LYPD6: variants seen among roughly 807,000 people sequenced by gnomAD.
The protein encoded by LYPD6 is ly6/PLAUR domain-containing protein 6.
Under a neutral mutation model 22.7 loss-of-function variants are expected in LYPD6, and 15 were observed. That is an observed-to-expected ratio of 0.66 (90% CI 0.44 to 1.02). LYPD6 has a LOEUF of 1.02. LYPD6 is among the 50% of genes least tolerant of loss of function. LYPD6 has a pLI of 0.00. For synonymous variants in LYPD6, 72 were observed against 77.5 expected (o/e 0.93, Z 0.37); for missense variants, 189 against 208.4 (o/e 0.91, Z 0.57).
At chr2:149,457,504 A>C (rs1238541014) in intron 3 of LYPD6, among the ~76,000 whole-genome samples, 2 of 152,228 alleles carry the variant, frequency 1.3e-5, no homozygotes, top group Non-Finnish European at 1.5e-5. Context: ...ATAATACAAC[A>C]GTAGATCTCA....
intron 1 of LYPD6, among the ~76,000 whole-genome samples, chr2:149,365,161 C>CT (rs1370448065): frequency 6.6e-6 from 1 of 152,212 alleles, no homozygotes; most frequent in Non-Finnish European, 1.5e-5. Context: ...TTAATATAAT[C>CT]TTTTGCCCAT....
chr2:149,330,882 G>A (rs1215842349), intron 1 of LYPD6, among the ~76,000 whole-genome samples, 160 bp downstream of exon 1: 1 of 152,144 alleles, frequency 6.6e-6, no homozygotes, highest in African/African-American at 2.4e-5. Context: ...CTGGGGTCCC[G>A]GCCTCCGGCG....
chr2:149,452,752 G>A (rs886695266), intron 3 of LYPD6, among the ~76,000 whole-genome samples: 3 of 152,200 alleles, frequency 2.0e-5, no homozygotes, highest in Admixed American at 2.0e-4. Context: ...TGTGCATAGA[G>A]ACATAGTGTA....
In LYPD6 at chr2:149,348,994, G is replaced by T. The variant is rs564696620; in HGVS notation, c.-72+18272G>T. On this transcript the variant is annotated intron_variant, in intron 1 of 4. Transcript: ENST00000334166. ...AAGCAGTGTCAAGCATGCTTCTAAG[G>T]TTTGGGACCTGATAACTGGAAGGGT... is the stretch of plus-strand genomic sequence containing the variant. Among the ~76,000 whole-genome samples the T allele has an allele frequency of 1.9e-4, 29 of 152,242 alleles. 1 individual carries two copies. In the South Asian group the frequency reaches 5.8e-3, roughly 30 times the overall value.
chr2:149,408,880 A>G (rs929209270), intron 1 of LYPD6, among the ~76,000 whole-genome samples: 1 of 152,194 alleles, frequency 6.6e-6, no homozygotes, highest in Admixed American at 6.5e-5. Context: ...GATTAGCTTA[A>G]TAGTCGACTT....
rs1294350332 is a variant in LYPD6, at chr2:149,384,867, T to C, written c.-71-52771T>C. 2.7e-5 allele frequency among the ~76,000 whole-genome samples: 4 copies of C among 150,162 alleles called. No homozygotes were observed. In the East Asian group the frequency reaches 7.9e-4, roughly 29 times the overall value. Reference sequence around the variant, plus strand: ...TAGCATTAGGTATATCTCCTAAAACTATCCCTTCCCCCTCCCCCCACCCCA... The same window carrying C: ...TAGCATTAGGTATATCTCCTAAAACCATCCCTTCCCCCTCCCCCCACCCCA... On this transcript the variant is annotated intron_variant, in intron 1 of 4. Coordinates refer to ENST00000334166, the MANE Select transcript of LYPD6 (RefSeq NM_194317.5).
chr2:149,348,331 A>G (rs1681297833), intron 1 of LYPD6, among the ~76,000 whole-genome samples: 1 of 151,826 alleles, frequency 6.6e-6, no homozygotes, highest in African/African-American at 2.4e-5. Flanking sequence ...AATGTGCAGT[A>G]TGTTAGGCGG....
chr2:149,350,535 A>C (rs1344030155), intron 1 of LYPD6, among the ~76,000 whole-genome samples: 1 of 152,106 alleles, frequency 6.6e-6, no homozygotes, highest in Non-Finnish European at 1.5e-5. Flanking sequence ...TTAGTGGCAA[A>C]GGGGTTTATA....
intron 1 of LYPD6, among the ~76,000 whole-genome samples, chr2:149,364,772 C>T (rs1401847182): frequency 3.3e-5 from 5 of 151,854 alleles, no homozygotes; most frequent in African/African-American, 1.2e-4. Flanking sequence ...GATTGTATTC[C>T]CTAAAGGCTG....
chr2:149,480,862 A>T, the LYPD6 span, among the ~76,000 whole-genome samples: 5 of 152,142 alleles, frequency 3.3e-5, no homozygotes, highest in African/African-American at 1.2e-4. Flanking sequence ...GCAAAGTAAG[A>T]ATATAAAGGC....
At chr2:149,354,604 TG>T (rs1398536196) in intron 1 of LYPD6, among the ~76,000 whole-genome samples, 3 of 152,204 alleles carry the variant, frequency 2.0e-5, no homozygotes, top group Non-Finnish European at 4.4e-5. Flanking sequence ...CAGCTTTCTA[TG>T]GCCCCATTAT....
intron 2 of LYPD6, among the ~76,000 whole-genome samples, chr2:149,441,299 T>C (rs1353031973): frequency 6.6e-6 from 1 of 152,210 alleles, no homozygotes; most frequent in Non-Finnish European, 1.5e-5. Flanking sequence ...CACATTTCAT[T>C]AATGTTACAA....
In LYPD6 at chr2:149,473,637, C is replaced by T. The variant is rs1471157718; in HGVS notation, c.*2787C>T. On this transcript the variant is annotated 3_prime_UTR_variant, in exon 5 of 5. Transcript: ENST00000334166. ...GGTTTTGAGTGTATCTTACCAGGCT[C>T]CTCCCTGCAAATGCACATGTCAATC... 1 of 152,188 alleles carries T rather than the reference C, an allele frequency of 6.6e-6. No homozygotes were observed. The highest frequency in any genetic ancestry group is 2.1e-4 in the South Asian group (1 of 4,824). 9.4% of individuals were successfully genotyped at this position (152,188 alleles called of 1,614,324 possible).
chr2:149,456,309 G>A (rs1680956928), intron 3 of LYPD6, among the ~76,000 whole-genome samples: 1 of 152,054 alleles, frequency 6.6e-6, no homozygotes, highest in African/African-American at 2.4e-5. Flanking sequence ...ATACCAAATA[G>A]TAAATAGCAT....
chr2:149,480,360 GCA>G, the LYPD6 span, among the ~76,000 whole-genome samples: 30 of 152,116 alleles, frequency 2.0e-4, no homozygotes, highest in East Asian at 5.6e-3. Flanking sequence ...TCAGCTCTTT[GCA>G]CAGTGTTCTT....
chr2:149,360,199 G>T (rs558532164), intron 1 of LYPD6, among the ~76,000 whole-genome samples: 1 of 152,180 alleles, frequency 6.6e-6, no homozygotes, highest in African/African-American at 2.4e-5. Context: ...CAGTGAGGAC[G>T]ACTGGAGGTC....
At chr2:149,347,299 A>G (rs1681275727) in intron 1 of LYPD6, among the ~76,000 whole-genome samples, 1 of 152,212 alleles carries the variant, frequency 6.6e-6, no homozygotes, top group Non-Finnish European at 1.5e-5. Flanking sequence ...TCCCATCTCC[A>G]AATACTGTCG....
At chr2:149,360,399 A>G (rs952893415) in intron 1 of LYPD6, among the ~76,000 whole-genome samples, 1 of 152,182 alleles carries the variant, frequency 6.6e-6, no homozygotes, top group South Asian at 2.1e-4. Flanking sequence ...CCTATTCAAG[A>G]TGGAGTTGCT....
intron 1 of LYPD6, among the ~76,000 whole-genome samples, chr2:149,375,489 A>C (rs1681898440): frequency 6.6e-6 from 1 of 152,210 alleles, no homozygotes; most frequent in Admixed American, 6.5e-5. Context: ...AAAGCTCAGC[A>C]AGTTCTTATG....
Sources: allele counts gnomAD v4.1 joint callset (sites outside exome capture counted in the v4.1 genomes callset), GRCh38; gene constraint gnomAD v4.1.1; transcripts MANE v1.5; gene names NCBI Gene and HGNC (gene_info 2026-07-23, HGNC 2026-07-21).